The following UNC13C variants were observed in gnomAD, a reference collection of about 807,000 sequenced individuals.
UNC13C encodes protein unc-13 homolog C.
Under a neutral mutation model 245.4 loss-of-function variants are expected in UNC13C, and 174 were observed. That is an observed-to-expected ratio of 0.71 (90% CI 0.63 to 0.80). UNC13C has a LOEUF of 0.80. Among genes scored for constraint, UNC13C ranks in the 30% least tolerant of loss-of-function variants. The probability of loss-of-function intolerance (pLI) is 0.00; values close to 1 mark genes in which losing one functional copy is unlikely to be tolerated. For missense variants in UNC13C, 2,829 were observed against 2,602.9 expected (o/e 1.09, Z -1.89); for synonymous variants, 992 against 895.1 (o/e 1.11, Z -1.93).
In UNC13C at chr15:54,319,111, G is replaced by C. The variant is rs114348207; in HGVS notation, c.4269-2828G>C. ...CTCTAAAAAGACAATGCAGGGTCTG[G>C]GTAATAACCCCCTTGTTTTTGAGTG... On this transcript the variant is annotated intron_variant, in intron 13 of 32. Coordinates refer to ENST00000260323, the MANE Select transcript of UNC13C (RefSeq NM_001080534.3). Among the ~76,000 whole-genome samples, 1,346 of 151,728 alleles carry C rather than the reference G, an allele frequency of 8.9e-3. 26 individuals are homozygous for C. Among genetic ancestry groups the C allele is most frequent in the African/African-American group, 0.032 (1,322 of 41,452 alleles).
At chr15:54,419,774 C>A (rs1567256302) in intron 19 of UNC13C, among the ~76,000 whole-genome samples, 1 of 152,092 alleles carries the variant, frequency 6.6e-6, no homozygotes, top group Non-Finnish European at 1.5e-5. Flanking sequence ...AAACACTGAG[C>A]TTTCTCACAT....
chr15:53,925,638 A>G, the UNC13C span, among the ~76,000 whole-genome samples: 1 of 152,212 alleles, frequency 6.6e-6, no homozygotes, highest in Non-Finnish European at 1.5e-5. Context: ...TTTTAAAGAC[A>G]TAGCTCTCCC....
At chr15:54,199,782 A>G in intron 4 of UNC13C, among the ~76,000 whole-genome samples, 1 of 152,080 alleles carries the variant, frequency 6.6e-6, no homozygotes, top group African/African-American at 2.4e-5. Flanking sequence ...ACACAATGAA[A>G]ACAAAAACCA....
At chr15:54,248,647 T>C (rs2036061475) in intron 7 of UNC13C, among the ~76,000 whole-genome samples, 1 of 152,092 alleles carries the variant, frequency 6.6e-6, no homozygotes, top group Non-Finnish European at 1.5e-5. Context: ...TTTTTCTATC[T>C]GAATAAACCC....
chr15:54,294,109 C>G, intron 11 of UNC13C, 45 bp downstream of exon 11: 2 of 1,441,582 alleles, frequency 1.4e-6, no homozygotes, highest in Non-Finnish European at 1.8e-6. Flanking sequence ...AAATAAAACC[C>G]CTGAATACCT....
intron 30 of UNC13C, among the ~76,000 whole-genome samples, chr15:54,610,797 T>C (rs1340546163): frequency 6.6e-6 from 1 of 152,242 alleles, no homozygotes; most frequent in Non-Finnish European, 1.5e-5. Flanking sequence ...ACCCAGGCAG[T>C]ATGGCCCAGA....
intron 14 of UNC13C, among the ~76,000 whole-genome samples, chr15:54,322,773 T>A (rs1266644086): frequency 6.6e-6 from 1 of 151,998 alleles, no homozygotes; most frequent in African/African-American, 2.4e-5. Context: ...CTAAGAGTAT[T>A]TCTAGTAAAG....
intron 19 of UNC13C, among the ~76,000 whole-genome samples, chr15:54,426,031 A>G (rs1275842853): frequency 1.3e-5 from 2 of 151,628 alleles, no homozygotes; most frequent in Non-Finnish European, 2.9e-5. Flanking sequence ...GACTCTAACA[A>G]TGACTCTCCT....
intron 30 of UNC13C, among the ~76,000 whole-genome samples, chr15:54,585,222 C>G (rs982978209): frequency 6.6e-6 from 1 of 152,138 alleles, no homozygotes; most frequent in African/African-American, 2.4e-5. Flanking sequence ...GGTCACGGGG[C>G]AGATCCTTCA....
chr15:54,466,163 GA>G (rs1438833141), intron 19 of UNC13C, among the ~76,000 whole-genome samples: 17 of 152,106 alleles, frequency 1.1e-4, no homozygotes, highest in African/African-American at 3.9e-4. Flanking sequence ...GTGGAGAGTA[GA>G]ATGGTGGTTA....
chr15:54,038,200 C>T (rs1165224958), intron 2 of UNC13C, among the ~76,000 whole-genome samples: 1 of 143,318 alleles, frequency 7.0e-6, no homozygotes, highest in East Asian at 2.1e-4. Context: ...TGGCTTACTG[C>T]AACCTCCTGC....
chr15:54,614,381 A>T (rs887330979), intron 30 of UNC13C, among the ~76,000 whole-genome samples: 3 of 151,940 alleles, frequency 2.0e-5, no homozygotes, highest in Non-Finnish European at 1.5e-5. Flanking sequence ...CTATTCAAAG[A>T]ATTTGAATCT....
intron 4 of UNC13C, among the ~76,000 whole-genome samples, chr15:54,199,378 G>T (rs2034451836): frequency 6.6e-6 from 1 of 152,036 alleles, no homozygotes; most frequent in South Asian, 2.1e-4. Context: ...TTATCCCCTA[G>T]GCACATAGTC....
intron 14 of UNC13C, among the ~76,000 whole-genome samples, chr15:54,330,222 A>C (rs2038403820): frequency 6.6e-6 from 1 of 152,072 alleles, no homozygotes; most frequent in Admixed American, 6.6e-5. Flanking sequence ...CTAATGTAAC[A>C]AACACTATCT....
chr15:54,223,431 A>G (rs1444833963), intron 4 of UNC13C, among the ~76,000 whole-genome samples: 6 of 151,922 alleles, frequency 3.9e-5, no homozygotes, highest in African/African-American at 1.4e-4. Context: ...TGGGTTCTCT[A>G]TTCTGTTTCA....
At chr15:54,444,281 G>GTA (rs1272782871) in intron 19 of UNC13C, among the ~76,000 whole-genome samples, 1 of 150,610 alleles carries the variant, frequency 6.6e-6, no homozygotes, top group African/African-American at 2.4e-5. Context: ...TTTGATAAAT[G>GTA]TATATATATA....
At chr15:54,592,720 G>A (rs541084584) in intron 30 of UNC13C, among the ~76,000 whole-genome samples, 111 of 152,212 alleles carry the variant, frequency 7.3e-4, no homozygotes, top group African/African-American at 2.6e-3. Context: ...GCAGCAGATA[G>A]TTGGTTTGTG....
intron 19 of UNC13C, among the ~76,000 whole-genome samples, chr15:54,432,868 A>G (rs1351361553): frequency 6.6e-6 from 1 of 151,998 alleles, no homozygotes; most frequent in Non-Finnish European, 1.5e-5. Context: ...GAAGAAGAAA[A>G]GAGAGAAGAA....
intron 19 of UNC13C, among the ~76,000 whole-genome samples, chr15:54,431,036 T>C (rs1021470033): frequency 2.0e-5 from 3 of 151,798 alleles, no homozygotes; most frequent in Admixed American, 6.6e-5. Context: ...TACTTCCTAC[T>C]GCCCTTGCAA....
Sources: gnomAD v4.1 joint callset for allele counts (sites outside exome capture counted in the v4.1 genomes callset) on GRCh38, gnomAD v4.1.1 for gene constraint, MANE v1.5 for transcripts, NCBI Gene and HGNC (gene_info 2026-07-23, HGNC 2026-07-21) for gene names.